Variants in LMNB1 observed in about 807,000 individuals in gnomAD.
The protein encoded by LMNB1 is lamin B1, also known as lamin-B1.
LMNB1 carries 23 observed loss-of-function variants against 67.1 expected under a neutral mutation model. The observed-to-expected ratio is 0.34, with a 90% CI of 0.25 to 0.49. LMNB1 has a LOEUF of 0.49. LMNB1 is among the 20% of genes least tolerant of loss of function. The pLI is 0.99. For synonymous variants in LMNB1, 281 were observed against 282.9 expected, an observed-to-expected ratio of 0.99 and a Z score of 0.07; for missense variants, 634 against 746.5, an observed-to-expected ratio of 0.85 and a Z score of 1.76.
chr5:126,777,125 CCCCG>C (rs1750473873), upstream of LMNB1: 1 of 168,994 alleles, frequency 5.9e-6, no homozygotes, highest in Non-Finnish European at 1.3e-5. Context: ...GCCCTCCTCC[CCCCG>C]CCCGCCGCTC....
In LMNB1 at chr5:126,781,930, A is replaced by G. The variant is rs185574551; in HGVS notation, c.359+4063A>G. On this transcript the variant is annotated intron_variant, in intron 1 of 10. Transcript: ENST00000261366. ...CTTGGTCTAAAGAGAATTTGGCAAC[A>G]GTTTCCATGCAGGTGGTGTCTGAAT... Among the ~76,000 whole-genome samples, 81 of 152,340 alleles carry G rather than the reference A, an allele frequency of 5.3e-4. 1 individual carries two copies. The highest frequency in any genetic ancestry group is 4.2e-3 in the Admixed American group (64 of 15,292).
intron 10 of LMNB1, among the ~76,000 whole-genome samples, chr5:126,834,524 C>G (rs1372755729): frequency 2.6e-5 from 4 of 152,198 alleles, no homozygotes; most frequent in Non-Finnish European, 5.9e-5. Context: ...GGTAAATAGT[C>G]TCCACCTGTT....
At chr5:126,819,266 T>C (rs1208171980) in intron 6 of LMNB1, 124 bp downstream of exon 6, 1 of 646,958 alleles carries the variant, frequency 1.5e-6, no homozygotes, top group Non-Finnish European at 2.7e-6. Flanking sequence ...TTTGAACACC[T>C]AGGTATAGAA....
chr5:126,799,976 G>A (rs1447796536), intron 1 of LMNB1, among the ~76,000 whole-genome samples: 2 of 152,206 alleles, frequency 1.3e-5, no homozygotes, highest in Non-Finnish European at 1.5e-5. Context: ...GGCTTGTACA[G>A]GCACTGCAGG....
Position 126,795,933 on chromosome 5 carries a change from C to CTTTTTTTT in LMNB1, c.360-8834_360-8827dup, listed in dbSNP as rs70997314. Among the ~76,000 whole-genome samples the CTTTTTTTT allele has an allele frequency of 7.5e-3, 612 of 82,038 alleles. 84 individuals carry two copies. Among genetic ancestry groups the CTTTTTTTT allele is most frequent in the East Asian group, 0.023 (62 of 2,708 alleles). 53.8% of individuals were successfully genotyped at this position (82,038 alleles called of 152,430 possible). ...GAGCCACTGCGCCTGGCCCAGGATG[C>CTTTTTTTT]TTTTTTTTTTTTTTTTGAGACGGAG... On this transcript the variant is annotated intron_variant, in intron 1 of 10. Transcript: ENST00000261366.
chr5:126,827,886 A>T (rs1317219426), intron 9 of LMNB1, among the ~76,000 whole-genome samples: 1 of 152,194 alleles, frequency 6.6e-6, no homozygotes, highest in Non-Finnish European at 1.5e-5. Context: ...GTCTGCTCCC[A>T]TAGTGCCACG....
At chr5:126,805,998 A>G (rs1002383174) in intron 3 of LMNB1, among the ~76,000 whole-genome samples, 1 of 152,148 alleles carries the variant, frequency 6.6e-6, no homozygotes, top group Non-Finnish European at 1.5e-5. Flanking sequence ...CTCTGCCGCC[A>G]GGCTGGAGTA....
chr5:126,786,400 C>T (rs915408094), intron 1 of LMNB1, among the ~76,000 whole-genome samples: 2 of 152,112 alleles, frequency 1.3e-5, no homozygotes, highest in African/African-American at 2.4e-5. Flanking sequence ...GGATTACAGG[C>T]GTGAGCCACC....
chr5:126,792,804 G>A (rs901147821), intron 1 of LMNB1, among the ~76,000 whole-genome samples: 56 of 151,908 alleles, frequency 3.7e-4, no homozygotes, highest in African/African-American at 1.3e-3. Flanking sequence ...TCAAACTCCC[G>A]ACCTCAGGTG....
rs138934112 is a variant in LMNB1 at position 126,807,108 on chromosome 5, T to C, written c.642+1412T>C. 5.5e-4 allele frequency among the ~76,000 whole-genome samples: 84 copies of C among 152,298 alleles called. No individual in the cohort carries two copies. In the East Asian group the frequency reaches 7.1e-3, roughly 13 times the overall value. On this transcript the variant is annotated intron_variant, in intron 3 of 10. Transcript: ENST00000261366. ...TGTGGAAATCTTAAAATATCACTTA[T>C]AAGCCTTAACTGCTGTGGTCAAGGG...
chr5:126,784,830 T>C (rs1016428941), intron 1 of LMNB1, among the ~76,000 whole-genome samples: 2 of 150,950 alleles, frequency 1.3e-5, no homozygotes, highest in African/African-American at 4.9e-5. Context: ...GGGCTAATTT[T>C]TTTTTATATT....
Position 126,777,612 on chromosome 5 carries a change from A to T in LMNB1, c.104A>T (p.Glu35Val). ...TRLSRLQEKE[E>V]LRELNDRLAV... ...CTGTCGCGGCTCCAGGAGAAGGAGG[A>T]GCTGCGCGAGCTCAATGACCGGCTG... Residue 35 changes from glutamate (E) to valine (V), a missense_variant, in exon 1 of 11, where the codon GAG becomes GTG. Coordinates refer to ENST00000261366, the MANE Select transcript of LMNB1 (RefSeq NM_005573.4). 2 of 1,538,960 alleles carry T rather than the reference A, an allele frequency of 1.3e-6. No homozygotes were observed. The highest frequency in any genetic ancestry group is 1.8e-6 in the Non-Finnish European group (2 of 1,142,478).
In LMNB1 at chr5:126,819,156, GGGTCACCC is replaced by G; in HGVS notation, c.1160+15_1160+22del. 1 of 1,587,294 alleles carries G rather than the reference GGGTCACCC, an allele frequency of 6.3e-7. No individual in the cohort carries two copies. ...CGAAGAAGAGAGGTAAGGAACTTAA[GGGTCACCC>G]TACCTTATGGTCCACTTTTTGCCTC... On this transcript the variant is annotated intron_variant, in intron 6 of 10. Transcript: ENST00000261366.
At chr5:126,818,239 CTTTT>C (rs376846973) in intron 5 of LMNB1, among the ~76,000 whole-genome samples, 1 of 134,172 alleles carries the variant, frequency 7.5e-6, no homozygotes, top group Admixed American at 7.6e-5. Flanking sequence ...GTGTTTATAT[CTTTT>C]TTTTTTTTTT....
chr5:126,799,050 C>T (rs1479640840), intron 1 of LMNB1, among the ~76,000 whole-genome samples: 1 of 143,644 alleles, frequency 7.0e-6, no homozygotes, highest in Non-Finnish European at 1.5e-5. Context: ...GACGGAGTCT[C>T]GCTGTCGCCC....
intron 9 of LMNB1, among the ~76,000 whole-genome samples, chr5:126,831,875 T>C (rs1752142256): frequency 6.6e-6 from 1 of 152,312 alleles, no homozygotes; most frequent in South Asian, 2.1e-4. Flanking sequence ...GCAGGAAATA[T>C]GGAAGGTATA....
At chr5:126,834,720 C>G (rs890981297) in intron 10 of LMNB1, among the ~76,000 whole-genome samples, 2 of 151,962 alleles carry the variant, frequency 1.3e-5, no homozygotes. Context: ...ACTAAAAATA[C>G]AAAAAATTAG....
At position 126,777,768 on chromosome 5, in the gene LMNB1, C is replaced by CCGACGCG. The variant is rs1483013835; in HGVS notation, c.270_276dup (p.Leu93ThrfsTer33). Reference sequence around the variant, plus strand: ...AAGGCGCTCTACGAGACCGAGCTGGCCGACGCGCGACGCGCGCTCGACGAC... The same window carrying CCGACGCG: ...AAGGCGCTCTACGAGACCGAGCTGGCCGACGCGCGACGCGCGACGCGCGCTCGACGAC... On this transcript the variant is annotated frameshift_variant, in exon 1 of 11. Coordinates refer to ENST00000261366, the MANE Select transcript of LMNB1 (RefSeq NM_005573.4). LOFTEE classifies it high-confidence loss of function. The CCGACGCG allele has an allele frequency of 1.3e-6, 2 of 1,517,910 alleles. No individual in the cohort carries two copies. Among genetic ancestry groups the CCGACGCG allele is most frequent in the Non-Finnish European group, 1.8e-6 (2 of 1,129,788 alleles). The allele number at this position is 1,517,910 out of a possible 1,614,324, so 94.0% of individuals were successfully genotyped here. A position where few individuals can be genotyped will look rare whatever the true frequency, so the allele number is the denominator to read the frequency against.
In LMNB1 at chr5:126,836,269, T is replaced by C. The variant is rs1752245575; in HGVS notation, c.*5T>C. ...AGAAGCTGTGCAATTATGTAAAATT[T>C]TCAACTGTCTTCCTCAAAATAAAGA... On this transcript the variant is annotated 3_prime_UTR_variant, in exon 11 of 11. Transcript: ENST00000261366. 4 of 1,599,472 alleles carry C rather than the reference T, an allele frequency of 2.5e-6. No homozygotes were observed. Among genetic ancestry groups the C allele is most frequent in the Non-Finnish European group, 2.6e-6 (3 of 1,166,820 alleles).
Sources: gnomAD v4.1 joint callset for allele counts (sites outside exome capture counted in the v4.1 genomes callset) on GRCh38, gnomAD v4.1.1 for gene constraint, MANE v1.5 for transcripts, NCBI Gene and HGNC (gene_info 2026-07-23, HGNC 2026-07-21) for gene names.